CRMP1: variants seen among roughly 807,000 people sequenced by gnomAD.
CRMP1 encodes the protein collapsin response mediator protein 1, also known as dihydropyrimidinase-related protein 1.
A neutral mutation model predicts 68.3 loss-of-function variants in CRMP1; 19 were observed. The ratio of observed to expected loss-of-function variants is 0.28; its 90% CI spans 0.19 to 0.41. The LOEUF is 0.41. Ranked by LOEUF, CRMP1 falls within the 10% of genes least tolerant of loss-of-function variation. The probability of loss-of-function intolerance (pLI) is 1.00; values close to 1 mark genes in which losing one functional copy is unlikely to be tolerated. For missense variants in CRMP1, 791 were observed against 967.4 expected, an observed-to-expected ratio of 0.82 and a Z score of 2.42; for synonymous variants, 439 against 399.6, an observed-to-expected ratio of 1.10 and a Z score of -1.18.
In CRMP1 at chr4:5,858,240, C is replaced by T. The variant is rs1713276888; in HGVS notation, c.656-1933G>A. On this transcript the variant is annotated intron_variant, in intron 3 of 13. Transcript: ENST00000324989. This position sits in a 1 kb window ranked among gnomAD's most constrained non-coding sequence, Gnocchi z 5.5. ...CCTGAGGACTCCATCCCCTACTGTT[C>T]ACTATGCTTACTAATTGGATCCCTT... Among the ~76,000 whole-genome samples the T allele has an allele frequency of 1.3e-5, 2 of 152,154 alleles. No homozygotes were observed. The highest frequency in any genetic ancestry group is 1.9e-4 in the East Asian group (1 of 5,198).
rs1272645571 is a variant in CRMP1 at position 5,865,619 on chromosome 4, CA to C, written c.470+1048del. Among the ~76,000 whole-genome samples the C allele has an allele frequency of 0.16, 12,309 of 78,738 alleles. 502 individuals carry two copies. The highest frequency in any genetic ancestry group is 0.2 in the South Asian group (471 of 2,408). The allele number at this position is 78,738 out of a possible 152,430, so 51.7% of individuals were successfully genotyped here. ...CTGGTGACAGAGTGAGACTCCGTCT[CA>C]AAAAAAAAAAAAAAAAAGAAGGCCG... On this transcript the variant is annotated intron_variant, in intron 2 of 13. Coordinates refer to ENST00000324989, the MANE Select transcript of CRMP1 (RefSeq NM_001014809.3). This position sits in a 1 kb window ranked among gnomAD's most constrained non-coding sequence, Gnocchi z 4.1.
chr4:5,836,499 C>T (rs1232523954), intron 10 of CRMP1, among the ~76,000 whole-genome samples: 2 of 152,234 alleles, frequency 1.3e-5, no homozygotes, highest in Non-Finnish European at 2.9e-5. Context: ...TCCACAGGAA[C>T]TAAGACGTGG....
chr4:5,891,277 A>ACAGC lies in CRMP1; in HGVS notation c.381+1308_381+1311dup, dbSNP rs67794906. ...CAGGACCACGGAGAGCTCTGGAGCA[A>ACAGC]CAGCCCGCCCGCGAAGGGATGGGGC... On this transcript the variant is annotated intron_variant, in intron 1 of 13. Transcript: ENST00000324989. This position sits in a 1 kb window ranked among gnomAD's most constrained non-coding sequence, Gnocchi z 5.2. Among the ~76,000 whole-genome samples the ACAGC allele has an allele frequency of 2.1e-4, 12 of 58,088 alleles. No homozygotes were observed. In the East Asian group the frequency reaches 0.031, roughly 149 times the overall value. 38.1% of individuals were successfully genotyped at this position (58,088 alleles called of 152,430 possible).
intron 1 of CRMP1, among the ~76,000 whole-genome samples, chr4:5,885,409 T>C (rs1309622283): frequency 6.6e-6 from 1 of 152,204 alleles, no homozygotes; most frequent in Admixed American, 6.5e-5. Flanking sequence ...CTTCTTCCCA[T>C]GAACCACACT....
Position 5,872,249 on chromosome 4 carries a change from A to G in CRMP1, c.382-5493T>C, listed in dbSNP as rs192929224. Among the ~76,000 whole-genome samples, 4 of 152,304 alleles carry G rather than the reference A, an allele frequency of 2.6e-5. No homozygotes were observed. Among genetic ancestry groups the G allele is most frequent in the Non-Finnish European group, 4.4e-5 (3 of 68,036 alleles). On this transcript the variant is annotated intron_variant, in intron 1 of 13. Coordinates refer to ENST00000324989, the MANE Select transcript of CRMP1 (RefSeq NM_001014809.3). This position sits in a 1 kb window ranked among gnomAD's most constrained non-coding sequence, Gnocchi z 4.6. ...TATACTAAAAAAGTAAATGTTACAT[A>G]ATATATGTTTTTAAAATTAATAACA...
Position 5,821,992 on chromosome 4 carries a change from C to T in CRMP1, c.1970-141G>A, listed in dbSNP as rs1718667831. On this transcript the variant is annotated intron_variant, in intron 13 of 13. Coordinates refer to ENST00000324989, the MANE Select transcript of CRMP1 (RefSeq NM_001014809.3). The surrounding 1 kb of genome is among the most constrained non-coding windows in gnomAD (Gnocchi z 4.4). ...CAGTCCAGGACCAGCCATGGGAAGC[C>T]TCCCTGGCCTCCACAGAGTCCACTG... The T allele has an allele frequency of 5.3e-6, 3 of 562,850 alleles. No individual in the cohort carries two copies. In the Admixed American group the frequency reaches 9.6e-5, roughly 18 times the overall value. 34.9% of individuals were successfully genotyped at this position (562,850 alleles called of 1,614,324 possible).
Position 5,856,126 on chromosome 4 carries a change from C to A in CRMP1, c.820+17G>T. On this transcript the variant is annotated intron_variant, in intron 4 of 13. Transcript: ENST00000324989. Reference sequence around the variant, plus strand: ...ACAAGGGATTCCCCAAAACCCCGTTCCGAGGCTTTAACTGACCTTTGTCCT... The same window carrying A: ...ACAAGGGATTCCCCAAAACCCCGTTACGAGGCTTTAACTGACCTTTGTCCT... 1 of 1,612,794 alleles carries A rather than the reference C, an allele frequency of 6.2e-7. No homozygotes were observed.
In CRMP1 at chr4:5,825,638, A is replaced by T; in HGVS notation, c.1825T>A (p.Ser609Thr). The change falls in exon 13 of 14, where the codon TCC (serine) becomes ACC (threonine). Residue 609 changes from serine to threonine, a missense_variant. Around this residue, in one of 3 missense-constraint regions of CRMP1, gnomAD observed 594 missense variants for 763.6 expected, o/e 0.78. Transcript: ENST00000324989. The surrounding 1 kb of genome is among the most constrained non-coding windows in gnomAD (Gnocchi z 4.4). Reference sequence around the variant, plus strand: ...ACAGGACCGTCATACATGCCCCTGGAAACCCCTTGCAATCCAAAAACCTAA... The same window carrying T: ...ACAGGACCGTCATACATGCCCCTGGTAACCCCTTGCAATCCAAAAACCTAA... ...RNKVFGLQGV[S>T]RGMYDGPVYE... is the part of the protein sequence containing the mutation. The T allele has an allele frequency of 6.2e-7, 1 of 1,611,744 alleles. No homozygotes were observed. Among genetic ancestry groups the T allele is most frequent in the Non-Finnish European group, 8.5e-7 (1 of 1,179,114 alleles).
In CRMP1 at chr4:5,820,909, A is replaced by T. The variant is rs758467599; in HGVS notation, c.*851T>A. ...GGAAAACTTTGTACAAAACTTTAAAAATCTGACTGCCCCGTCAACTGCCTC... is the reference window on the plus strand; with the variant it reads ...GGAAAACTTTGTACAAAACTTTAAATATCTGACTGCCCCGTCAACTGCCTC... On this transcript the variant is annotated 3_prime_UTR_variant, in exon 14 of 14. Coordinates refer to ENST00000324989, the MANE Select transcript of CRMP1 (RefSeq NM_001014809.3). 2 of 152,242 alleles carry T rather than the reference A, an allele frequency of 1.3e-5. No individual in the cohort carries two copies. The highest frequency in any genetic ancestry group is 2.9e-5 in the Non-Finnish European group (2 of 68,058). 9.4% of individuals were successfully genotyped at this position (152,242 alleles called of 1,614,324 possible).
At position 5,838,171 on chromosome 4, in the gene CRMP1, A is replaced by G. The variant is rs1269626992; in HGVS notation, c.1311-1265T>C. Among the ~76,000 whole-genome samples the G allele has an allele frequency of 6.6e-6, 1 of 152,066 alleles. No homozygotes were observed. Among genetic ancestry groups the G allele is most frequent in the Admixed American group, 6.5e-5 (1 of 15,274 alleles). On this transcript the variant is annotated intron_variant, in intron 9 of 13. Transcript: ENST00000324989. The surrounding 1 kb of genome is among the most constrained non-coding windows in gnomAD (Gnocchi z 4.9). ...ACCATGTGGCGTCTAAGAAAGAGGGAACTAGCCAGGGGTTCCCATGAGTGT... is the reference window on the plus strand; with the variant it reads ...ACCATGTGGCGTCTAAGAAAGAGGGGACTAGCCAGGGGTTCCCATGAGTGT...
rs1172848108 is a variant in CRMP1, at chr4:5,821,938, C to T, written c.1970-87G>A. On this transcript the variant is annotated intron_variant, in intron 13 of 13. Coordinates refer to ENST00000324989, the MANE Select transcript of CRMP1 (RefSeq NM_001014809.3). This position sits in a 1 kb window ranked among gnomAD's most constrained non-coding sequence, Gnocchi z 4.4. ...TGGAGGCCATGTACTCTGCCATGCA[C>T]TCCACTGGACCCACCTTCATTCAGG... The T allele has an allele frequency of 1.7e-6, 2 of 1,192,388 alleles. No homozygotes were observed. The highest frequency in any genetic ancestry group is 5.1e-5 in the East Asian group (2 of 39,248). 73.9% of individuals were successfully genotyped at this position (1,192,388 alleles called of 1,614,324 possible). A position where few individuals can be genotyped will look rare whatever the true frequency, so the allele number is the denominator to read the frequency against.
chr4:5,853,269 C>T lies in CRMP1; in HGVS notation c.821-1800G>A, dbSNP rs558858284. The stretch of plus-strand genomic sequence containing the variant: ...CTCTACTAAAAATACAAAAATTAGC[C>T]GGGTGTGGTGGCAGGTGCCTGTAAT... On this transcript the variant is annotated intron_variant, in intron 4 of 13. Transcript: ENST00000324989. The surrounding 1 kb of genome is among the most constrained non-coding windows in gnomAD (Gnocchi z 4.7). Among the ~76,000 whole-genome samples, 66 of 152,146 alleles carry T rather than the reference C, an allele frequency of 4.3e-4. No individual in the cohort carries two copies. Among genetic ancestry groups the T allele is most frequent in the East Asian group, 7.7e-4 (4 of 5,162 alleles).
Position 5,860,196 on chromosome 4 carries a change from C to G in CRMP1, c.655+830G>C, listed in dbSNP as rs1034927338. On this transcript the variant is annotated intron_variant, in intron 3 of 13. Coordinates refer to ENST00000324989, the MANE Select transcript of CRMP1 (RefSeq NM_001014809.3). This position sits in a 1 kb window ranked among gnomAD's most constrained non-coding sequence, Gnocchi z 4.2. ...GGCTCGGCCACATGACTGACCTTGGCCAATGGAATGTGGGTGGAAGTTGCA... is the reference window on the plus strand; with the variant it reads ...GGCTCGGCCACATGACTGACCTTGGGCAATGGAATGTGGGTGGAAGTTGCA... Among the ~76,000 whole-genome samples the G allele has an allele frequency of 6.6e-6, 1 of 152,044 alleles. No individual in the cohort carries two copies. The highest frequency in any genetic ancestry group is 1.5e-5 in the Non-Finnish European group (1 of 68,026).
At chr4:5,824,483 CCTCTCTCT>C in intron 13 of CRMP1, 1 of 941,396 alleles carries the variant, frequency 1.1e-6, no homozygotes, top group Non-Finnish European at 1.3e-6. Context: ...CACACGTCAT[CCTCTCTCT>C]CTCTCTCTCT....
chr4:5,857,129 C>T (rs1483602204), intron 3 of CRMP1, among the ~76,000 whole-genome samples: 45 of 145,096 alleles, frequency 3.1e-4, no homozygotes, highest in African/African-American at 1.1e-3. Context: ...ATCACCATCA[C>T]CACCACCACC....
chr4:5,861,227 G>T lies in CRMP1; in HGVS notation c.471-17C>A. 1 of 1,609,558 alleles carries T rather than the reference G, an allele frequency of 6.2e-7. No homozygotes were observed. Among genetic ancestry groups the T allele is most frequent in the Non-Finnish European group, 8.5e-7 (1 of 1,177,404 alleles). On this transcript the variant is annotated splice_polypyrimidine_tract_variant and intron_variant, in intron 2 of 13. Coordinates refer to ENST00000324989, the MANE Select transcript of CRMP1 (RefSeq NM_001014809.3). The surrounding 1 kb of genome is among the most constrained non-coding windows in gnomAD (Gnocchi z 6.0). The stretch of plus-strand genomic sequence containing the variant: ...CCTATTTGTCTGGAGGCAAACAACA[G>T]AGACAGCCTTGGTTCTTAAAGGAAA...
Position 5,842,586 on chromosome 4 carries a change from TCA to T in CRMP1, c.1032+505_1032+506del, listed in dbSNP as rs199830320. On this transcript the variant is annotated intron_variant, in intron 7 of 13. Coordinates refer to ENST00000324989, the MANE Select transcript of CRMP1 (RefSeq NM_001014809.3). The surrounding 1 kb of genome is among the most constrained non-coding windows in gnomAD (Gnocchi z 4.5). The stretch of plus-strand genomic sequence containing the variant: ...CAGGTGCATGCACATGCACCCACAC[TCA>T]CACACTCTCTCACACACACACACAC... Among the ~76,000 whole-genome samples the T allele has an allele frequency of 0.073, 9,989 of 137,574 alleles. 536 individuals carry two copies. The highest frequency in any genetic ancestry group is 0.28 in the East Asian group (1,437 of 5,062). 90.3% of individuals were successfully genotyped at this position (137,574 alleles called of 152,430 possible).
At position 5,828,517 on chromosome 4, in the gene CRMP1, A is replaced by G. The variant is rs1202554559; in HGVS notation, c.1775T>C (p.Leu592Pro). The change falls in exon 12 of 14, where the codon CTG (leucine) becomes CCG (proline). Residue 592 changes from leucine (L) to proline (P), a missense_variant. By Grantham distance (98) the Leu-to-Pro change is moderately conservative. Around this residue, in one of 3 missense-constraint regions of CRMP1, gnomAD observed 594 missense variants for 763.6 expected, o/e 0.78. Transcript: ENST00000324989. ...ATTCCTGATTTTGACGCGCTGGTAC[A>G]GGTGCTCCGGGAACGCCTTCCGCGG... Reference protein sequence around the residue: ...FIPRKAFPEHLYQRVKIRNKV... With the variant: ...FIPRKAFPEHPYQRVKIRNKV... 1.2e-6 allele frequency: 2 copies of G among 1,614,220 alleles called. No homozygotes were observed. Among genetic ancestry groups the G allele is most frequent in the Admixed American group, 1.7e-5 (1 of 60,036 alleles).
Position 5,877,966 on chromosome 4 carries a change from T to C in CRMP1, c.382-11210A>G, listed in dbSNP as rs1390319465. On this transcript the variant is annotated intron_variant, in intron 1 of 13. Coordinates refer to ENST00000324989, the MANE Select transcript of CRMP1 (RefSeq NM_001014809.3). The surrounding 1 kb of genome is among the most constrained non-coding windows in gnomAD (Gnocchi z 4.3). ...CGGTAACTTGACCCATTTCTCTGTG[T>C]TCTGGTCTGTGCTTCTTGCTTTATA... 1.3e-5 allele frequency among the ~76,000 whole-genome samples: 2 copies of C among 152,250 alleles called. No individual in the cohort carries two copies. The highest frequency in any genetic ancestry group is 2.9e-5 in the Non-Finnish European group (2 of 68,038).
Sources: allele counts gnomAD v4.1 joint callset (sites outside exome capture counted in the v4.1 genomes callset), GRCh38; gene constraint gnomAD v4.1.1; regional missense constraint gnomAD v4.1.1; non-coding constraint Gnocchi (gnomAD v3.1); transcripts MANE v1.5; gene names NCBI Gene and HGNC (gene_info 2026-07-23, HGNC 2026-07-21).